SMARCA2: variants seen among roughly 807,000 people sequenced by gnomAD.
SMARCA2 encodes the protein SWI/SNF-related matrix-associated actin-dependent regulator of chromatin subfamily A member 2.
In SMARCA2, 61 loss-of-function variants were observed where a neutral mutation model predicts 199.8. The ratio of observed to expected loss-of-function variants is 0.31; its 90% confidence interval spans 0.25 to 0.38. The LOEUF (loss-of-function observed/expected upper bound fraction) is 0.38. Ranked by LOEUF, SMARCA2 falls within the 10% of genes least tolerant of loss-of-function variation. The pLI is 1.00. For synonymous variants in SMARCA2, 935 were observed against 732.0 expected (o/e 1.28, Z -4.48); for missense variants, 1,344 against 2,012.2 (o/e 0.67, Z 6.35).
chr9:2,185,837 G>A (rs528195118), intron 31 of SMARCA2, among the ~76,000 whole-genome samples: 4 of 152,214 alleles, frequency 2.6e-5, no homozygotes, highest in Admixed American at 2.0e-4. Flanking sequence ...TCCAATATGA[G>A]GATATTTTAT....
intron 29 of SMARCA2, among the ~76,000 whole-genome samples, chr9:2,174,913 A>C (rs1167714592): frequency 1.7e-5 from 2 of 115,966 alleles, no homozygotes; most frequent in Non-Finnish European, 3.3e-5. Flanking sequence ...GGACAGAGTG[A>C]GACCCTCTCT....
At chr9:2,033,324 G>A (rs766475968) in intron 3 of SMARCA2, 179 of 438,424 alleles carry the variant, frequency 4.1e-4, no homozygotes, top group Non-Finnish European at 6.4e-4. Context: ...AGTCTGCAAA[G>A]AGCTCTATGT....
intron 24 of SMARCA2, among the ~76,000 whole-genome samples, chr9:2,113,248 A>G (rs1823081041): frequency 6.7e-6 from 1 of 150,052 alleles, no homozygotes; most frequent in Admixed American, 6.6e-5. Flanking sequence ...AGAACTCGTG[A>G]TTGTGGAATT....
chr9:2,095,971 G>A (rs1423007702), intron 19 of SMARCA2, among the ~76,000 whole-genome samples: 2 of 152,204 alleles, frequency 1.3e-5, no homozygotes, highest in African/African-American at 2.4e-5. Context: ...TAAACCATGA[G>A]CATGTGAATT....
At chr9:2,149,058 TA>T in intron 27 of SMARCA2, among the ~76,000 whole-genome samples, 1 of 151,490 alleles carries the variant, frequency 6.6e-6, no homozygotes, top group African/African-American at 2.4e-5. Flanking sequence ...CTGCCTGTAT[TA>T]GTCTGTTTTC....
At position 2,186,047 on chromosome 9, in the gene SMARCA2, C is replaced by A. The variant is rs376841741; in HGVS notation, c.4462-49C>A. The stretch of plus-strand genomic sequence containing the variant: ...TATTGCATAAGGAAGAGTTCACTGC[C>A]ATGGTAACTCAGCTTGCAGTTTTAA... On this transcript the variant is annotated intron_variant, in intron 31 of 33. Transcript: ENST00000349721. The A allele has an allele frequency of 1.3e-5, 20 of 1,584,222 alleles. No homozygotes were observed. In the South Asian group the frequency reaches 2.0e-4, roughly 16 times the overall value.
rs189317119 is a variant in SMARCA2 at position 2,132,961 on chromosome 9, T to G, written c.3981+9024T>G. Among the ~76,000 whole-genome samples the G allele has an allele frequency of 2.2e-4, 34 of 152,302 alleles. 1 individual carries two copies. In the East Asian group the frequency reaches 6.4e-3, roughly 28 times the overall value. ...AATTTAATAGAATAGTCCTCAGAGG[T>G]CTGACGGAAATATACTAAAATAAAT... On this transcript the variant is annotated intron_variant, in intron 27 of 33. Transcript: ENST00000349721.
At chr9:2,088,650 T>A (rs200112528) in intron 19 of SMARCA2, 37 bp downstream of exon 19, 1 of 1,425,526 alleles carries the variant, frequency 7.0e-7, no homozygotes, top group Admixed American at 2.2e-5. Flanking sequence ...GTTTTTTTTT[T>A]CCTCCAGCAA....
chr9:2,039,886 A>G lies in SMARCA2; in HGVS notation c.776A>G (p.Tyr259Cys). The part of the protein sequence containing the change: ...QQQQQPALVN[Y>C]NRPSGPGPEL... ...CAACAGCAGCCGGCCCTTGTTAACT[A>G]CAACAGACCATCTGGTAGGTTAATA... The change falls in exon 4 of 34, where the codon TAC becomes TGC. Residue 259 changes from tyrosine (Y) to cysteine (C), a missense_variant. Tyr to Cys is a radical substitution (Grantham distance 194). Around this residue, in one of 18 missense-constraint regions of SMARCA2, gnomAD observed 117 missense variants for 99.1 expected, o/e 1.18. Transcript: ENST00000349721. This position sits in a 1 kb window ranked among gnomAD's most constrained non-coding sequence, Gnocchi z 4.8. 1 of 1,613,904 alleles carries G rather than the reference A, an allele frequency of 6.2e-7. No homozygotes were observed. The highest frequency in any genetic ancestry group is 8.5e-7 in the Non-Finnish European group (1 of 1,179,976).
chr9:2,031,174 A>G (rs549773747), intron 2 of SMARCA2, among the ~76,000 whole-genome samples: 3 of 152,240 alleles, frequency 2.0e-5, no homozygotes, highest in East Asian at 3.9e-4. Flanking sequence ...TCATTTAACA[A>G]TGTATTATGG....
intron 32 of SMARCA2, among the ~76,000 whole-genome samples, chr9:2,190,685 A>G (rs1359262814): frequency 1.3e-5 from 2 of 152,182 alleles, no homozygotes; most frequent in Non-Finnish European, 2.9e-5. Context: ...GCAGGTATGG[A>G]CATAAACATT....
chr9:2,063,846 T>A (rs1409629029), intron 9 of SMARCA2, among the ~76,000 whole-genome samples: 2 of 152,134 alleles, frequency 1.3e-5, no homozygotes, highest in Admixed American at 6.5e-5. Flanking sequence ...TCCTTTAACA[T>A]GTTATGACCT....
chr9:2,161,748 A>G lies in SMARCA2; in HGVS notation c.4044A>G (p.Arg1348=), dbSNP rs1026734450. ...EEEVRLKKRK[R]RRNVDKDPAK... ...AAGTACGGCTTAAGAAGCGAAAAAG[A>G]CGAAGAAATGTGGATAAAGATCCTG... The change falls in exon 28 of 34, where the codon AGA becomes AGG. Residue 1348 remains arginine, a synonymous_variant. Transcript: ENST00000349721. The surrounding 1 kb of genome is among the most constrained non-coding windows in gnomAD (Gnocchi z 4.7). 4.3e-6 allele frequency: 7 copies of G among 1,614,112 alleles called. No homozygotes were observed. The highest frequency in any genetic ancestry group is 5.9e-6 in the Non-Finnish European group (7 of 1,179,972).
chr9:2,122,715 T>C (rs566772550), intron 26 of SMARCA2, among the ~76,000 whole-genome samples: 9 of 152,344 alleles, frequency 5.9e-5, no homozygotes, highest in African/African-American at 2.2e-4. Context: ...TAAGAAAACA[T>C]AATATTGAAT....
At chr9:2,186,033 G>A in intron 31 of SMARCA2, 63 bp from the exon 32 acceptor site, 1 of 1,518,656 alleles carries the variant, frequency 6.6e-7, no homozygotes, top group Non-Finnish European at 9.1e-7. Flanking sequence ...ATTGCATAAG[G>A]AAGAGTTCAC....
chr9:2,150,034 T>C (rs1365396772), intron 27 of SMARCA2, among the ~76,000 whole-genome samples: 3 of 151,582 alleles, frequency 2.0e-5, no homozygotes, highest in Non-Finnish European at 4.4e-5. Flanking sequence ...CTATGTGTAT[T>C]TATGTATGTG....
chr9:2,140,804 C>G (rs1445264728), intron 27 of SMARCA2, among the ~76,000 whole-genome samples: 2 of 152,122 alleles, frequency 1.3e-5, no homozygotes, highest in Non-Finnish European at 2.9e-5. Context: ...TTCAGTAAAT[C>G]CTAACCCATG....
At position 2,192,892 on chromosome 9, in the gene SMARCA2, A is replaced by G. The variant is rs1827988854; in HGVS notation, c.*153A>G. ...TAGGATAGTGCCAGACAAACATATG[A>G]TATCATGGTGTAAAAAACACACACA... On this transcript the variant is annotated 3_prime_UTR_variant, in exon 34 of 34. Transcript: ENST00000349721. The G allele has an allele frequency of 1.3e-5, 8 of 632,694 alleles. No homozygotes were observed. Among genetic ancestry groups the G allele is most frequent in the South Asian group, 1.0e-4 (5 of 48,674 alleles). The allele number at this position is 632,694 out of a possible 1,614,324, so 39.2% of individuals were successfully genotyped here.
chr9:2,114,522 C>A (rs1368310345), intron 24 of SMARCA2, among the ~76,000 whole-genome samples: 1 of 152,136 alleles, frequency 6.6e-6, no homozygotes, highest in Non-Finnish European at 1.5e-5. Flanking sequence ...ATACAGAAAA[C>A]AGACTTTTGC....
Sources: gnomAD v4.1 joint callset for allele counts (sites outside exome capture counted in the v4.1 genomes callset) on GRCh38, gnomAD v4.1.1 for gene constraint, gnomAD v4.1.1 regional missense constraint, Gnocchi (gnomAD v3.1) non-coding constraint, MANE v1.5 for transcripts, NCBI Gene and HGNC (gene_info 2026-07-23, HGNC 2026-07-21) for gene names.